The following CARD19 variants were observed in gnomAD, a reference collection of about 807,000 sequenced individuals.
CARD19 encodes caspase recruitment domain-containing protein 19.
A neutral mutation model predicts 24.1 loss-of-function variants in CARD19; 25 were observed. The observed-to-expected ratio is 1.04, with a 90% confidence interval of 0.76 to 1.45. The LOEUF is 1.45. CARD19 is among the 40% of genes most tolerant of loss of function. CARD19 has a pLI of 0.00. For synonymous variants in CARD19, 103 were observed against 104.9 expected (o/e 0.98, Z 0.11); for missense variants, 241 against 247.4 (o/e 0.97, Z 0.17).
intron 3 of CARD19, 113 bp downstream of exon 3, chr9:93,110,834 A>G: frequency 6.5e-7 from 1 of 1,536,436 alleles, no homozygotes; most frequent in Non-Finnish European, 8.7e-7. Context: ...GCTGCAGCCC[A>G]GGCCTGGCAT....
chr9:93,112,351 C>T, intron 5 of CARD19, 62 bp downstream of exon 5: 2 of 1,453,236 alleles, frequency 1.4e-6, no homozygotes, highest in South Asian at 1.2e-5. Flanking sequence ...AAGCCAGGGC[C>T]CCAGACCCTG....
chr9:93,111,809 C>T (rs1322810193), intron 3 of CARD19, 70 bp from the exon 4 acceptor site: 4 of 1,583,046 alleles, frequency 2.5e-6, no homozygotes, highest in African/African-American at 2.7e-5. Flanking sequence ...CCTTGGGCTT[C>T]CTGCGGGGTG....
At position 93,111,920 on chromosome 9, in the gene CARD19, G is replaced by C; in HGVS notation, c.346G>C (p.Gly116Arg). Residue 116 changes from glycine (G) to arginine (R), a missense_variant, in exon 4 of 6, where the codon GGC (glycine) becomes CGC (arginine). Physicochemically the swap from Gly to Arg is moderately radical, Grantham distance 125. Coordinates refer to ENST00000375464, the MANE Select transcript of CARD19 (RefSeq NM_032310.5). Reference sequence around the variant, plus strand: ...AGAGCTAGACTCGGGCAGCCAGAGCGGCGAGCTGAGTAACAGGGGTAACAC... The same window carrying C: ...AGAGCTAGACTCGGGCAGCCAGAGCCGCGAGCTGAGTAACAGGGGTAACAC... ...CTELDSGSQS[G>R]ELSNRGPMSF... 6.2e-7 allele frequency: 1 copy of C among 1,611,578 alleles called. No individual in the cohort carries two copies. Among genetic ancestry groups the C allele is most frequent in the Non-Finnish European group, 8.5e-7 (1 of 1,179,694 alleles).
intron 1 of CARD19, among the ~76,000 whole-genome samples, chr9:93,107,058 G>A (rs1417249807): frequency 6.6e-6 from 1 of 152,090 alleles, no homozygotes; most frequent in Non-Finnish European, 1.5e-5. Flanking sequence ...CTGGTTTATT[G>A]TTGGTAGAAG....
Position 93,096,406 on chromosome 9 carries a change from C to G in CARD19, c.7+54C>G. 1 of 1,222,014 alleles carries G rather than the reference C, an allele frequency of 8.2e-7. No individual in the cohort carries two copies. Among genetic ancestry groups the G allele is most frequent in the Non-Finnish European group, 1.0e-6 (1 of 981,008 alleles). The allele number at this position is 1,222,014 out of a possible 1,614,324, so 75.7% of individuals were successfully genotyped here. On this transcript the variant is annotated intron_variant, in intron 1 of 5. Transcript: ENST00000375464. This position sits in a 1 kb window ranked among gnomAD's most constrained non-coding sequence, Gnocchi z 5.4. ...GATGCGGGCGCCCTGGATGGGTGGC[C>G]CGGCCCGGGGGTCCGGCTGCCTTGC... is the stretch of plus-strand genomic sequence containing the variant.
chr9:93,106,101 T>G (rs1425745508), intron 1 of CARD19, among the ~76,000 whole-genome samples: 2 of 152,190 alleles, frequency 1.3e-5, no homozygotes, highest in Non-Finnish European at 2.9e-5. Flanking sequence ...TGACTTATAG[T>G]CTATTTTGTC....
chr9:93,100,221 A>AT (rs1295535949), intron 1 of CARD19, among the ~76,000 whole-genome samples: 2 of 152,250 alleles, frequency 1.3e-5, no homozygotes, highest in African/African-American at 4.8e-5. Flanking sequence ...GAGACATGAC[A>AT]AAGTAAAACA....
In CARD19 at chr9:93,107,765, C is replaced by T; in HGVS notation, c.99C>T (p.Leu33=). 1 of 1,614,236 alleles carries T rather than the reference C, an allele frequency of 6.2e-7. No homozygotes were observed. Among genetic ancestry groups the T allele is most frequent in the Non-Finnish European group, 8.5e-7 (1 of 1,180,038 alleles). Residue 33 remains leucine, a synonymous_variant, in exon 2 of 6, where the codon CTC becomes CTT. Coordinates refer to ENST00000375464, the MANE Select transcript of CARD19 (RefSeq NM_032310.5). ...LSEQQVDRII[L]QLNRYYPQIL... ...AGCAGCAGGTGGACAGGATCATCCT[C>T]CAGCTGAACCGTTACTACCCACAGA...
Position 93,107,755 on chromosome 9 carries a change from G to A in CARD19, c.89G>A (p.Arg30Lys). 1 of 1,614,230 alleles carries A rather than the reference G, an allele frequency of 6.2e-7. No individual in the cohort carries two copies. The highest frequency in any genetic ancestry group is 8.5e-7 in the Non-Finnish European group (1 of 1,180,024). The change falls in exon 2 of 6, where the codon AGG becomes AAG. Residue 30 changes from arginine (R) to lysine (K), a missense_variant. By Grantham distance (26) the Arg-to-Lys change is conservative. Transcript: ENST00000375464. ...CGCTTGAGTGAGCAGCAGGTGGACA[G>A]GATCATCCTCCAGCTGAACCGTTAC... Reference protein sequence around the residue: ...HGRLSEQQVDRIILQLNRYYP... With the variant: ...HGRLSEQQVDKIILQLNRYYP...
At position 93,096,475 on chromosome 9, in the gene CARD19, C is replaced by T; in HGVS notation, c.7+123C>T. On this transcript the variant is annotated intron_variant, in intron 1 of 5. Transcript: ENST00000375464. The surrounding 1 kb of genome is among the most constrained non-coding windows in gnomAD (Gnocchi z 5.4). The stretch of plus-strand genomic sequence containing the variant: ...GCCTGGGCAGCGGGGGCCGAGTGAC[C>T]TTGGCCCGTCAGCTGTCGGTGGTGC... The T allele has an allele frequency of 3.2e-6, 3 of 929,312 alleles. No individual in the cohort carries two copies. The highest frequency in any genetic ancestry group is 4.2e-6 in the Non-Finnish European group (3 of 716,098). 57.6% of individuals were successfully genotyped at this position (929,312 alleles called of 1,614,324 possible).
chr9:93,112,292 G>T lies in CARD19; in HGVS notation c.436+3G>T. 1 of 1,542,690 alleles carries T rather than the reference G, an allele frequency of 6.5e-7. No homozygotes were observed. Reference sequence around the variant, plus strand: ...GCTCCTGTACTGCTATCCGCCAGGTGGGTGCAAGCGGATCCTCATGGGGCT... The same window carrying T: ...GCTCCTGTACTGCTATCCGCCAGGTTGGTGCAAGCGGATCCTCATGGGGCT... On this transcript the variant is annotated splice_donor_region_variant and intron_variant, in intron 5 of 5. Coordinates refer to ENST00000375464, the MANE Select transcript of CARD19 (RefSeq NM_032310.5).
At chr9:93,107,067 A>G (rs1827289388) in intron 1 of CARD19, among the ~76,000 whole-genome samples, 1 of 152,060 alleles carries the variant, frequency 6.6e-6, no homozygotes, top group South Asian at 2.1e-4. Context: ...TGTTGGTAGA[A>G]GCTTCTTAAG....
At chr9:93,112,918 G>A (rs1453852134) in intron 5 of CARD19, 74 bp from the exon 6 acceptor site, 13 of 1,044,804 alleles carry the variant, frequency 1.2e-5, no homozygotes, top group East Asian at 2.7e-5. Flanking sequence ...ACCCACCCCC[G>A]CAGGAGGGAT....
intron 1 of CARD19, among the ~76,000 whole-genome samples, chr9:93,103,701 C>T (rs990636433): frequency 3.3e-5 from 5 of 152,174 alleles, no homozygotes; most frequent in African/African-American, 1.2e-4. Flanking sequence ...TAGGCTCATG[C>T]TTCTAGAGTT....
At chr9:93,112,440 C>T (rs572664731) in intron 5 of CARD19, 151 bp downstream of exon 5, 57 of 674,820 alleles carry the variant, frequency 8.4e-5, no homozygotes, top group Middle Eastern at 5.9e-4. Flanking sequence ...TCGCAGGGCT[C>T]CTGAGAAAGG....
chr9:93,111,683 C>A lies in CARD19; in HGVS notation c.305-196C>A, dbSNP rs1827491122. On this transcript the variant is annotated intron_variant, in intron 3 of 5. Transcript: ENST00000375464. ...TCTGTGGCTCCCGGGTGCCTTTAGG[C>A]CCGTCCAGGAGTTGGAGCAGAGGAG... 4 of 1,407,550 alleles carry A rather than the reference C, an allele frequency of 2.8e-6. No homozygotes were observed. The Admixed American group carries it at 1.1e-4, about 40-fold the overall frequency. The allele number at this position is 1,407,550 out of a possible 1,614,324, so 87.2% of individuals were successfully genotyped here.
chr9:93,106,399 A>G (rs1169467023), intron 1 of CARD19, among the ~76,000 whole-genome samples: 1 of 109,544 alleles, frequency 9.1e-6, no homozygotes, highest in Non-Finnish European at 1.9e-5. Flanking sequence ...CAACATGGTG[A>G]AACCCTGTCT....
chr9:93,110,953 T>C (rs1167764733), intron 3 of CARD19: 1 of 1,521,970 alleles, frequency 6.6e-7, no homozygotes, highest in East Asian at 2.5e-5. Context: ...TTTCTCCCCC[T>C]TCCTCCGTCT....
At chr9:93,097,579 G>A (rs530540320) in intron 1 of CARD19, among the ~76,000 whole-genome samples, 3 of 152,320 alleles carry the variant, frequency 2.0e-5, no homozygotes, top group African/African-American at 4.8e-5. Flanking sequence ...CTGGGATTCC[G>A]TAATTCCCTT....
Sources: gnomAD v4.1 joint callset for allele counts (sites outside exome capture counted in the v4.1 genomes callset) on GRCh38, gnomAD v4.1.1 for gene constraint, Gnocchi (gnomAD v3.1) non-coding constraint, MANE v1.5 for transcripts, NCBI Gene and HGNC (gene_info 2026-07-23, HGNC 2026-07-21) for gene names.